Variants in STX8 observed in about 807,000 individuals in gnomAD.
The protein encoded by STX8 is syntaxin 8.
Under a neutral mutation model 37.5 loss-of-function variants are expected in STX8, and 23 were observed. That is an observed-to-expected ratio of 0.61 (90% CI 0.44 to 0.87). The LOEUF is 0.87. Among genes scored for constraint, STX8 ranks in the 40% least tolerant of loss-of-function variants. STX8 has a pLI of 0.00. For missense variants in STX8, 313 were observed against 284.7 expected (o/e 1.10, Z -0.71); for synonymous variants, 115 against 99.1 (o/e 1.16, Z -0.95).
intron 2 of STX8, among the ~76,000 whole-genome samples, chr17:9,563,331 C>T (rs1196002069): frequency 5.3e-5 from 8 of 151,796 alleles, no homozygotes; most frequent in Non-Finnish European, 4.4e-5. Context: ...TACAGGTGCT[C>T]GCCACCACAC....
At chr17:9,523,078 C>T (rs967419659) in intron 4 of STX8, among the ~76,000 whole-genome samples, 2 of 151,316 alleles carry the variant, frequency 1.3e-5, no homozygotes, top group Non-Finnish European at 2.9e-5. Context: ...TTTGGGAGGC[C>T]GAGGCAGGTG....
intron 6 of STX8, among the ~76,000 whole-genome samples, chr17:9,385,765 GGTTTTTT>G (rs534398834): frequency 1.1e-4 from 16 of 152,038 alleles, no homozygotes; most frequent in Middle Eastern, 3.2e-3. Flanking sequence ...TTTACTCCTA[GGTTTTTT>G]GTTTTTTGTT....
At chr17:9,374,683 C>A (rs573571991) in intron 7 of STX8, among the ~76,000 whole-genome samples, 11 of 152,024 alleles carry the variant, frequency 7.2e-5, no homozygotes, top group African/African-American at 2.7e-4. Flanking sequence ...GGTTGTTGAT[C>A]CATAATACTG....
At chr17:9,572,096 C>A (rs1434239512) in intron 1 of STX8, among the ~76,000 whole-genome samples, 1 of 152,068 alleles carries the variant, frequency 6.6e-6, no homozygotes, top group East Asian at 1.9e-4. Flanking sequence ...GACCATGCTA[C>A]CAACATAAAA....
At chr17:9,318,777 C>T (rs985395883) in intron 7 of STX8, among the ~76,000 whole-genome samples, 2 of 152,168 alleles carry the variant, frequency 1.3e-5, no homozygotes, top group Admixed American at 6.5e-5. Flanking sequence ...AGGCATACCA[C>T]TCTTGCCCCC....
chr17:9,439,531 A>G (rs966723012), intron 6 of STX8, among the ~76,000 whole-genome samples: 2 of 148,728 alleles, frequency 1.3e-5, no homozygotes, highest in Non-Finnish European at 3.0e-5. Flanking sequence ...ACTGCCATAT[A>G]ATTTTTTTTT....
chr17:9,514,405 G>A (rs1905109611), intron 4 of STX8, among the ~76,000 whole-genome samples: 1 of 152,102 alleles, frequency 6.6e-6, no homozygotes, highest in African/African-American at 2.4e-5. Context: ...AGGAGTTCCA[G>A]ACCAGCCCGG....
At chr17:9,430,756 TCTC>T (rs1272199707) in intron 6 of STX8, among the ~76,000 whole-genome samples, 1 of 151,730 alleles carries the variant, frequency 6.6e-6, no homozygotes, top group Admixed American at 6.6e-5. Flanking sequence ...CTCAAGTGAT[TCTC>T]CTGCCTCAAC....
At chr17:9,261,942 G>A (rs1907054983) in intron 7 of STX8, among the ~76,000 whole-genome samples, 2 of 152,166 alleles carry the variant, frequency 1.3e-5, no homozygotes, top group Admixed American at 1.3e-4. Context: ...TTGACTGTCG[G>A]AAGATTCCTG....
chr17:9,380,709 C>CCT (rs1911776022), intron 6 of STX8, among the ~76,000 whole-genome samples: 1 of 98,538 alleles, frequency 1.0e-5, no homozygotes, highest in African/African-American at 4.0e-5. Flanking sequence ...GATACAGAAA[C>CCT]TTTTTTTTTT....
intron 1 of STX8, among the ~76,000 whole-genome samples, chr17:9,573,251 C>T (rs1225863816): frequency 1.3e-5 from 2 of 152,072 alleles, no homozygotes; most frequent in Non-Finnish European, 1.5e-5. Flanking sequence ...CCAGCATTAA[C>T]GTCAATACAG....
intron 6 of STX8, among the ~76,000 whole-genome samples, chr17:9,450,323 G>A (rs7207554): frequency 0.2 from 30,237 of 151,640 alleles, 3,984 homozygotes; most frequent in East Asian, 0.63. Context: ...TAATCTGCCC[G>A]CCTCGGCCTC....
intron 7 of STX8, among the ~76,000 whole-genome samples, chr17:9,293,255 C>T (rs1454455063): frequency 6.6e-6 from 1 of 152,166 alleles, no homozygotes; most frequent in East Asian, 1.9e-4. Context: ...CCCATGAATA[C>T]TTCTAGTTTC....
intron 7 of STX8, among the ~76,000 whole-genome samples, chr17:9,363,714 C>T (rs1911138786): frequency 1.3e-5 from 2 of 152,150 alleles, no homozygotes; most frequent in Admixed American, 1.3e-4. Context: ...AGAAATCATA[C>T]CTTATCTTTC....
In STX8 at chr17:9,491,878, G is replaced by T; in HGVS notation, c.492C>A (p.Arg164=). The T allele has an allele frequency of 6.2e-7, 1 of 1,613,658 alleles. No individual in the cohort carries two copies. The highest frequency in any genetic ancestry group is 8.5e-7 in the Non-Finnish European group (1 of 1,179,934). ...CAATTTCCTGCCCCATTTGTTTTTG[G>T]CGACTTATGATAGAGGAAAGGGCAT... ...GLDALSSIIS[R]QKQMGQEIGN... The change falls in exon 6 of 8, where the codon CGC becomes CGA. Residue 164 remains arginine (R), a synonymous_variant. Coordinates refer to ENST00000306357, the MANE Select transcript of STX8 (RefSeq NM_004853.3).
chr17:9,490,467 G>C lies in STX8; in HGVS notation c.541+1362C>G, dbSNP rs1300856115. Among the ~76,000 whole-genome samples the C allele has an allele frequency of 2.6e-5, 4 of 152,134 alleles. No individual in the cohort carries two copies. The East Asian group carries it at 7.7e-4, about 29-fold the overall frequency. On this transcript the variant is annotated intron_variant, in intron 6 of 7. Transcript: ENST00000306357. Reference sequence around the variant, plus strand: ...GCTCACCACAACCTCCGCCTCCTGGGTTCTAGCAATTCTCCTGCCTCAGCC... The same window carrying C: ...GCTCACCACAACCTCCGCCTCCTGGCTTCTAGCAATTCTCCTGCCTCAGCC...
intron 7 of STX8, among the ~76,000 whole-genome samples, chr17:9,271,924 T>C (rs1012707830): frequency 6.6e-6 from 1 of 152,162 alleles, no homozygotes; most frequent in African/African-American, 2.4e-5. Context: ...CTGGCGACTA[T>C]AAGTACGGAT....
intron 1 of STX8, among the ~76,000 whole-genome samples, chr17:9,572,265 C>T (rs1424111103): frequency 1.3e-5 from 2 of 152,250 alleles, no homozygotes; most frequent in Non-Finnish European, 2.9e-5. Context: ...AAACAGCGAG[C>T]TTACCACTTG....
At position 9,559,760 on chromosome 17, in the gene STX8, A is replaced by ATATATTTTTTTTTTT; in HGVS notation, c.118-2233_118-2232insAAAAAAAAAAATATA. 6.1e-4 allele frequency among the ~76,000 whole-genome samples: 15 copies of ATATATTTTTTTTTTT among 24,492 alleles called. 1 individual carries two copies. The highest frequency in any genetic ancestry group is 9.6e-4 in the African/African-American group (5 of 5,234). The allele number at this position is 24,492 out of a possible 152,430, so 16.1% of individuals were successfully genotyped here. A position where few individuals can be genotyped will look rare whatever the true frequency, so the allele number is the denominator to read the frequency against. On this transcript the variant is annotated intron_variant, in intron 2 of 7. Transcript: ENST00000306357. The stretch of plus-strand genomic sequence containing the variant: ...TATATATATATATATATATATATAT[A>ATATATTTTTTTTTTT]TTTTTTTTTTTTTTTTTTTTGAGAC...
Sources: allele counts gnomAD v4.1 joint callset (sites outside exome capture counted in the v4.1 genomes callset), GRCh38; gene constraint gnomAD v4.1.1; transcripts MANE v1.5; gene names NCBI Gene and HGNC (gene_info 2026-07-23, HGNC 2026-07-21).